RAB2A: variants seen among roughly 807,000 people sequenced by gnomAD.
The protein encoded by RAB2A is ras-related protein Rab-2A.
In RAB2A, 7 loss-of-function variants were observed where a neutral mutation model predicts 32.5. The ratio of observed to expected loss-of-function variants is 0.22; its 90% CI spans 0.12 to 0.40. RAB2A has a LOEUF of 0.40. Among genes scored for constraint, RAB2A ranks in the 10% least tolerant of loss-of-function variants. RAB2A has a pLI of 1.00. For synonymous variants in RAB2A, 79 were observed against 85.2 expected, an observed-to-expected ratio of 0.93 and a Z score of 0.40; for missense variants, 108 against 260.7, an observed-to-expected ratio of 0.41 and a Z score of 4.03.
In RAB2A at chr8:60,569,293, CTGTT is replaced by C. The variant is rs369449211; in HGVS notation, c.119-2731_119-2728del. 3.6e-3 allele frequency among the ~76,000 whole-genome samples: 544 copies of C among 151,868 alleles called. 4 individuals are homozygous for C. The highest frequency in any genetic ancestry group is 0.012 in the African/African-American group (478 of 41,404). ...TAACTGGTCTCTTTGCTTCTTGTTTCTGTTTGTTTGTTTGTTTGTTTGTTTTTAA... is the reference window on the plus strand; with the variant it reads ...TAACTGGTCTCTTTGCTTCTTGTTTCTGTTTGTTTGTTTGTTTGTTTTTAA... On this transcript the variant is annotated intron_variant, in intron 2 of 7. Transcript: ENST00000262646.
chr8:60,590,316 A>C (rs1326739169), intron 5 of RAB2A, among the ~76,000 whole-genome samples: 1 of 151,644 alleles, frequency 6.6e-6, no homozygotes, highest in African/African-American at 2.4e-5. Flanking sequence ...TGATTTTTAC[A>C]ATTCATTGAG....
intron 3 of RAB2A, among the ~76,000 whole-genome samples, chr8:60,578,307 T>C (rs144873066): frequency 3.9e-5 from 6 of 152,286 alleles, no homozygotes; most frequent in African/African-American, 1.4e-4. Context: ...ATCTAATCAA[T>C]AGTATTAAAA....
intron 3 of RAB2A, among the ~76,000 whole-genome samples, chr8:60,579,117 A>T (rs1268919384): frequency 1.3e-5 from 2 of 152,172 alleles, no homozygotes; most frequent in East Asian, 3.9e-4. Context: ...ATCTCAGCTC[A>T]CTGCAGCCTC....
chr8:60,588,386 A>G (rs1803882282), intron 5 of RAB2A, among the ~76,000 whole-genome samples: 1 of 152,222 alleles, frequency 6.6e-6, no homozygotes, highest in Non-Finnish European at 1.5e-5. Flanking sequence ...TTATGTACAA[A>G]TATTCATACC....
At chr8:60,596,215 T>C (rs1275070148) in intron 6 of RAB2A, among the ~76,000 whole-genome samples, 1 of 152,084 alleles carries the variant, frequency 6.6e-6, no homozygotes. Flanking sequence ...ACCTAGACAA[T>C]ACCATTCAGG....
intron 2 of RAB2A, among the ~76,000 whole-genome samples, chr8:60,560,455 G>C (rs1272314617): frequency 6.6e-6 from 1 of 152,156 alleles, no homozygotes; most frequent in Non-Finnish European, 1.5e-5. Flanking sequence ...TTTGAAACTA[G>C]CCAACTTTAG....
chr8:60,553,138 C>T (rs960170955), intron 1 of RAB2A: 1 of 152,084 alleles, frequency 6.6e-6, no homozygotes. Context: ...AGAAGCAGAA[C>T]CAGCAGGATA....
chr8:60,601,998 C>A (rs1804142071), intron 6 of RAB2A, among the ~76,000 whole-genome samples: 1 of 152,018 alleles, frequency 6.6e-6, no homozygotes, highest in African/African-American at 2.4e-5. Context: ...CCTGCTTAAG[C>A]CTCCCAAGTA....
In RAB2A at chr8:60,623,465, G is replaced by A. The variant is rs769816894; in HGVS notation, c.*2696G>A. ...ATTTAGTCCTGAGGTTGGCAGCATGGGGTTTGACTATATGAGCTAAAAGAT... is the reference window on the plus strand; with the variant it reads ...ATTTAGTCCTGAGGTTGGCAGCATGAGGTTTGACTATATGAGCTAAAAGAT... On this transcript the variant is annotated 3_prime_UTR_variant, in exon 8 of 8. Coordinates refer to ENST00000262646, the MANE Select transcript of RAB2A (RefSeq NM_002865.3). 2 of 152,148 alleles carry A rather than the reference G, an allele frequency of 1.3e-5. No homozygotes were observed. The highest frequency in any genetic ancestry group is 2.9e-5 in the Non-Finnish European group (2 of 68,034). 9.4% of individuals were successfully genotyped at this position (152,148 alleles called of 1,614,324 possible).
chr8:60,545,748 G>A (rs76302641), intron 1 of RAB2A, among the ~76,000 whole-genome samples: 1,725 of 152,294 alleles, frequency 0.011, 21 homozygotes, highest in Non-Finnish European at 0.019. Context: ...ATTAATAAGT[G>A]TAGTGATTTG....
chr8:60,566,656 A>G (rs1256604366), intron 2 of RAB2A, among the ~76,000 whole-genome samples: 1 of 152,112 alleles, frequency 6.6e-6, no homozygotes, highest in Non-Finnish European at 1.5e-5. Flanking sequence ...TGTTTGTTAC[A>G]TGAGTATATT....
At chr8:60,523,493 C>A (rs990969952) in intron 1 of RAB2A, among the ~76,000 whole-genome samples, 5 of 152,112 alleles carry the variant, frequency 3.3e-5, no homozygotes, top group African/African-American at 9.7e-5. Context: ...TCTTTCTCAA[C>A]CAGTTTTCCA....
chr8:60,552,500 T>G (rs940017158), intron 1 of RAB2A: 2 of 152,192 alleles, frequency 1.3e-5, no homozygotes, highest in African/African-American at 4.8e-5. Context: ...ATTACTATAC[T>G]TTGTGATATG....
At chr8:60,595,821 G>A (rs990608147) in intron 6 of RAB2A, among the ~76,000 whole-genome samples, 18 of 152,164 alleles carry the variant, frequency 1.2e-4, no homozygotes, top group African/African-American at 1.9e-4. Context: ...AAGATAGACC[G>A]TGTCCTGGGC....
chr8:60,577,626 ATT>A (rs35908258), intron 3 of RAB2A, among the ~76,000 whole-genome samples: 17 of 143,908 alleles, frequency 1.2e-4, no homozygotes, highest in Non-Finnish European at 9.2e-5. Flanking sequence ...AGAGGTCTAA[ATT>A]TTTTTTTTTT....
At chr8:60,589,347 G>A (rs949087217) in intron 5 of RAB2A, among the ~76,000 whole-genome samples, 1 of 152,140 alleles carries the variant, frequency 6.6e-6, no homozygotes, top group African/African-American at 2.4e-5. Context: ...TAACGAACAA[G>A]AAAGAACAGA....
chr8:60,555,098 G>T (rs1288651842), intron 1 of RAB2A, among the ~76,000 whole-genome samples: 1 of 152,158 alleles, frequency 6.6e-6, no homozygotes, highest in Non-Finnish European at 1.5e-5. Flanking sequence ...TATAGATACA[G>T]TTTATGGACA....
In RAB2A at chr8:60,545,198, T is replaced by C. The variant is rs138914133; in HGVS notation, c.47-13654T>C. 5.3e-3 allele frequency among the ~76,000 whole-genome samples: 749 copies of C among 141,508 alleles called. 7 individuals are homozygous for C. The highest frequency in any genetic ancestry group is 0.02 in the African/African-American group (696 of 34,650). The allele number at this position is 141,508 out of a possible 152,430, so 92.8% of individuals were successfully genotyped here. ...AATACCCAGCACCTACTCGTATTTC[T>C]TGTGAAGGACTCTTTGCCTTAAAAT... On this transcript the variant is annotated intron_variant, in intron 1 of 7. Transcript: ENST00000262646.
chr8:60,595,568 TAATC>T (rs1226469993), intron 6 of RAB2A, among the ~76,000 whole-genome samples: 7 of 152,270 alleles, frequency 4.6e-5, no homozygotes, highest in South Asian at 2.1e-4. Context: ...ATACAAATAT[TAATC>T]AAAGGAAAAC....
Sources: gnomAD v4.1 joint callset for allele counts (sites outside exome capture counted in the v4.1 genomes callset) on GRCh38, gnomAD v4.1.1 for gene constraint, MANE v1.5 for transcripts, NCBI Gene and HGNC (gene_info 2026-07-23, HGNC 2026-07-21) for gene names.